Variants in TLN2 observed in about 807,000 individuals in gnomAD.
TLN2 encodes talin-2.
A neutral mutation model predicts 294.7 loss-of-function variants in TLN2; 118 were observed. The ratio of observed to expected loss-of-function variants is 0.40; its 90% CI spans 0.34 to 0.47. The LOEUF (loss-of-function observed/expected upper bound fraction) is 0.47, where lower values mean the gene tolerates loss of function less well. Among genes scored for constraint, TLN2 ranks in the 20% least tolerant of loss-of-function variants. TLN2 has a pLI of 0.84. For synonymous variants in TLN2, 1,431 were observed against 1,304.5 expected, an observed-to-expected ratio of 1.10 and a Z score of -2.09; for missense variants, 3,083 against 3,282.2, an observed-to-expected ratio of 0.94 and a Z score of 1.48.
At chr15:62,428,422 G>A (rs2034832460) in intron 1 of TLN2, among the ~76,000 whole-genome samples, 1 of 152,216 alleles carries the variant, frequency 6.6e-6, no homozygotes, top group Non-Finnish European at 1.5e-5. Flanking sequence ...GTTTAGTGTA[G>A]ACGTAATGTT....
chr15:62,809,246 A>T (rs1391062544), intron 51 of TLN2, among the ~76,000 whole-genome samples: 1 of 152,236 alleles, frequency 6.6e-6, no homozygotes, highest in African/African-American at 2.4e-5. Flanking sequence ...TCCCTTCAGA[A>T]ATGATGTAAT....
At position 62,736,996 on chromosome 15, in the gene TLN2, C is replaced by T. The variant is rs148050152; in HGVS notation, c.3477C>T (p.Asp1159=). 75 of 1,614,084 alleles carry T rather than the reference C, an allele frequency of 4.6e-5. No homozygotes were observed. The highest frequency in any genetic ancestry group is 6.7e-5 in the East Asian group (3 of 44,886). ...ATGCCATGTTAGATTCTGCTCGAGA[C>T]GTGATGGAGGGCTCCGCCATGCTCA... is the stretch of plus-strand genomic sequence containing the variant. ...AAHAMLDSAR[D]VMEGSAMLIQ... is the part of the protein sequence containing the mutation. The change falls in exon 29 of 59, where the codon GAC becomes GAT. Residue 1159 remains aspartate, a synonymous_variant. Coordinates refer to ENST00000636159, the MANE Select transcript of TLN2 (RefSeq NM_015059.3).
In TLN2 at chr15:62,836,277, G is replaced by A. The variant is rs1452689946; in HGVS notation, c.7374+204G>A. Among the ~76,000 whole-genome samples, 3 of 152,354 alleles carry A rather than the reference G, an allele frequency of 2.0e-5. No individual in the cohort carries two copies. The South Asian group carries it at 6.2e-4, about 32-fold the overall frequency. On this transcript the variant is annotated intron_variant, in intron 57 of 58. Transcript: ENST00000636159. ...CTGCCATTCTCCTCGTGTGCCTTCT[G>A]GTCTCATGCCCTGGGGCCCTGCTCC...
chr15:62,502,427 C>G (rs1053025466), intron 1 of TLN2, among the ~76,000 whole-genome samples: 2 of 152,168 alleles, frequency 1.3e-5, no homozygotes, highest in Non-Finnish European at 2.9e-5. Context: ...AGGACAAGCA[C>G]TGGGAGGGGA....
In TLN2 at chr15:62,747,083, T is replaced by C. The variant is rs80068665; in HGVS notation, c.4026-1268T>C. On this transcript the variant is annotated intron_variant, in intron 32 of 58. Coordinates refer to ENST00000636159, the MANE Select transcript of TLN2 (RefSeq NM_015059.3). ...ATGGGGCTTACCTATGCAAAAAAAA[T>C]GTTTTAAACAACTATGAGCTATATC... Among the ~76,000 whole-genome samples the C allele has an allele frequency of 4.5e-3, 682 of 152,276 alleles. 3 individuals carry two copies. Among genetic ancestry groups the C allele is most frequent in the African/African-American group, 0.015 (641 of 41,552 alleles).
At chr15:62,587,558 A>T (rs574630845) in intron 1 of TLN2, among the ~76,000 whole-genome samples, 5 of 152,280 alleles carry the variant, frequency 3.3e-5, no homozygotes, top group Admixed American at 6.5e-5. Context: ...ATTGTTTTCA[A>T]TGTCTATGTG....
intron 1 of TLN2, among the ~76,000 whole-genome samples, chr15:62,441,850 G>C (rs1251578892): frequency 6.6e-6 from 1 of 152,158 alleles, no homozygotes; most frequent in African/African-American, 2.4e-5. Flanking sequence ...CTTCCAGATG[G>C]ATAAACACGT....
rs2065162219 is a variant in TLN2, at chr15:62,792,772, T to C, written c.5868T>C (p.Arg1956=). ...AGAGGGAGCTGATCGAATGCGCCCG[T>C]GCCGTCACGGAAAAGGTAAGGAGCA... The part of the protein sequence containing the change: ...YTKRELIECA[R]AVTEKVSLVL... Residue 1956 remains arginine (R), a synonymous_variant, in exon 46 of 59, where the codon CGT becomes CGC. Transcript: ENST00000636159. 6.2e-7 allele frequency: 1 copy of C among 1,613,954 alleles called. No homozygotes were observed. The highest frequency in any genetic ancestry group is 1.7e-4 in the Middle Eastern group (1 of 6,056).
At chr15:62,534,779 G>A (rs2041242570) in intron 1 of TLN2, among the ~76,000 whole-genome samples, 1 of 152,150 alleles carries the variant, frequency 6.6e-6, no homozygotes, top group African/African-American at 2.4e-5. Flanking sequence ...AGCACACAAA[G>A]GCACTCTTAC....
chr15:62,592,398 G>A (rs1227695124), intron 2 of TLN2, among the ~76,000 whole-genome samples: 2 of 152,098 alleles, frequency 1.3e-5, no homozygotes, highest in Admixed American at 1.3e-4. Context: ...GTCAACTCTC[G>A]GTTTGCTGCC....
intron 12 of TLN2, among the ~76,000 whole-genome samples, chr15:62,691,596 G>A (rs1281775790): frequency 6.6e-6 from 1 of 152,114 alleles, no homozygotes. Flanking sequence ...GGCATGAGTT[G>A]ATGATCTGTC....
At chr15:62,765,253 A>G (rs964005844) in intron 40 of TLN2, among the ~76,000 whole-genome samples, 3 of 152,054 alleles carry the variant, frequency 2.0e-5, no homozygotes, top group Admixed American at 2.0e-4. Context: ...AGCTAAATAA[A>G]ACCCTTGGCC....
In TLN2 at chr15:62,842,105, T is replaced by A. The variant is rs1349645819; in HGVS notation, c.*1495T>A. 1 of 152,218 alleles carries A rather than the reference T, an allele frequency of 6.6e-6. No individual in the cohort carries two copies. The highest frequency in any genetic ancestry group is 1.9e-4 in the East Asian group (1 of 5,200). The allele number at this position is 152,218 out of a possible 1,614,324, so 9.4% of individuals were successfully genotyped here. ...CACCTTTCGACCTTGCCCGATCTTG[T>A]TTCACCAGACTCTAGCCCATGTCAT... is the stretch of plus-strand genomic sequence containing the variant. On this transcript the variant is annotated 3_prime_UTR_variant, in exon 59 of 59. Transcript: ENST00000636159.
intron 1 of TLN2, among the ~76,000 whole-genome samples, chr15:62,394,125 A>AT (rs1319961425): frequency 3.3e-5 from 5 of 151,986 alleles, no homozygotes; most frequent in Admixed American, 6.6e-5. Context: ...AAATTCTTGC[A>AT]TTTTTTTCCT....
At chr15:62,594,827 G>A (rs376511194) in intron 2 of TLN2, among the ~76,000 whole-genome samples, 3 of 152,188 alleles carry the variant, frequency 2.0e-5, no homozygotes, top group South Asian at 4.1e-4. Context: ...TTAAACTAAA[G>A]CTTCTGCAAA....
chr15:62,549,394 C>T lies in TLN2; in HGVS notation c.-237-40293C>T, dbSNP rs149504110. ...AAGCAGTCCTTCCACCTCAGCCTCC[C>T]AAAGTGTTGGGATTACAGGTGTGAG... On this transcript the variant is annotated intron_variant, in intron 1 of 58. Coordinates refer to ENST00000636159, the MANE Select transcript of TLN2 (RefSeq NM_015059.3). Among the ~76,000 whole-genome samples, 349 of 152,262 alleles carry T rather than the reference C, an allele frequency of 2.3e-3. 6 individuals carry two copies. The highest frequency in any genetic ancestry group is 0.022 in the Admixed American group (338 of 15,290).
At chr15:62,813,746 C>T (rs894595920) in intron 52 of TLN2, among the ~76,000 whole-genome samples, 1 of 151,662 alleles carries the variant, frequency 6.6e-6, no homozygotes, top group African/African-American at 2.4e-5. Flanking sequence ...TTGATACATT[C>T]TCTAGATGTA....
At chr15:62,808,671 T>A (rs1181283993) in intron 51 of TLN2, among the ~76,000 whole-genome samples, 1 of 152,196 alleles carries the variant, frequency 6.6e-6, no homozygotes, top group Non-Finnish European at 1.5e-5. Context: ...CGGGCCTGTG[T>A]CTTCCCGCAG....
At chr15:62,646,080 A>T (rs2051792306) in intron 3 of TLN2, among the ~76,000 whole-genome samples, 2 of 152,182 alleles carry the variant, frequency 1.3e-5, no homozygotes. Flanking sequence ...TTGAACTTAC[A>T]TTTTTAAAAG....
Sources: gnomAD v4.1 joint callset for allele counts (sites outside exome capture counted in the v4.1 genomes callset) on GRCh38, gnomAD v4.1.1 for gene constraint, MANE v1.5 for transcripts, NCBI Gene and HGNC (gene_info 2026-07-23, HGNC 2026-07-21) for gene names.